The following NFIA variants were observed in gnomAD, a reference collection of about 807,000 sequenced individuals.
The protein encoded by NFIA is nuclear factor I A, also known as nuclear factor 1 A-type.
NFIA carries 8 observed loss-of-function variants against 62.8 expected under a neutral mutation model. The observed-to-expected ratio is 0.13, with a 90% CI of 0.07 to 0.23. NFIA has a LOEUF of 0.23. Ranked by LOEUF, NFIA falls within the 10% of genes least tolerant of loss-of-function variation. The pLI, the probability that NFIA is intolerant of heterozygous loss-of-function variation, is 1.00. For missense variants in NFIA, 410 were observed against 642.1 expected (o/e 0.64, Z 3.91); for synonymous variants, 235 against 238.1 (o/e 0.99, Z 0.12).
chr1:61,292,366 A>C (rs1261976464), intron 3 of NFIA, among the ~76,000 whole-genome samples: 1 of 152,130 alleles, frequency 6.6e-6, no homozygotes, highest in Non-Finnish European at 1.5e-5. Context: ...TGTGTTCAGG[A>C]GTTTAAGTCT....
At chr1:61,204,489 T>G (rs78612133) in intron 2 of NFIA, among the ~76,000 whole-genome samples, 3,002 of 152,320 alleles carry the variant, frequency 0.02, 39 homozygotes, top group Non-Finnish European at 0.03. Flanking sequence ...TTTTTTATTT[T>G]TTATTTTATT....
chr1:61,292,538 C>T (rs1437280522), intron 3 of NFIA, among the ~76,000 whole-genome samples: 1 of 152,056 alleles, frequency 6.6e-6, no homozygotes, highest in Non-Finnish European at 1.5e-5. Context: ...CATATTCTAG[C>T]AAAGGATACA....
intron 2 of NFIA, among the ~76,000 whole-genome samples, chr1:61,264,740 C>A (rs1042439956): frequency 6.7e-6 from 1 of 148,934 alleles, no homozygotes; most frequent in Non-Finnish European, 1.5e-5. Context: ...AGTCCTTATA[C>A]GAAGACAATT....
chr1:61,098,001 T>C (rs149303563), intron 2 of NFIA, among the ~76,000 whole-genome samples: 3 of 152,294 alleles, frequency 2.0e-5, no homozygotes, highest in African/African-American at 7.2e-5. Flanking sequence ...ATCAAGCCCT[T>C]CTTCGTGGCA....
chr1:61,249,450 T>C (rs368539817), intron 2 of NFIA, among the ~76,000 whole-genome samples: 2 of 152,278 alleles, frequency 1.3e-5, no homozygotes, highest in African/African-American at 4.8e-5. Context: ...TGCTATTAGA[T>C]GGGGGAGGTG....
At chr1:61,204,656 C>A (rs1294721278) in intron 2 of NFIA, among the ~76,000 whole-genome samples, 1 of 151,896 alleles carries the variant, frequency 6.6e-6, no homozygotes, top group Non-Finnish European at 1.5e-5. Flanking sequence ...TGCCTTAGTC[C>A]ACCTTCTGCC....
At chr1:61,294,293 T>C (rs1170609254) in intron 3 of NFIA, among the ~76,000 whole-genome samples, 2 of 152,170 alleles carry the variant, frequency 1.3e-5, no homozygotes, top group Admixed American at 1.3e-4. Context: ...CAGATACTGC[T>C]CCAGGCATTA....
intron 2 of NFIA, among the ~76,000 whole-genome samples, chr1:61,108,348 G>A (rs1242840139): frequency 6.6e-6 from 1 of 151,524 alleles, no homozygotes; most frequent in Non-Finnish European, 1.5e-5. Flanking sequence ...GAACACTTTT[G>A]TGAAGCTGCT....
chr1:61,428,102 A>G (rs114413446), intron 10 of NFIA, among the ~76,000 whole-genome samples: 98 of 152,286 alleles, frequency 6.4e-4, no homozygotes, highest in Non-Finnish European at 1.1e-3. Flanking sequence ...GAGCCTTTAA[A>G]ATGCAGCTTT....
At chr1:61,185,252 A>G (rs2100567285) in intron 2 of NFIA, among the ~76,000 whole-genome samples, 1 of 152,338 alleles carries the variant, frequency 6.6e-6, no homozygotes, top group South Asian at 2.1e-4. Flanking sequence ...TGAAGACGTT[A>G]AAGAAGATAG....
At position 61,426,479 on chromosome 1, in the gene NFIA, A is replaced by G; in HGVS notation, c.1435A>G (p.Ser479Gly). 1 of 1,551,820 alleles carries G rather than the reference A, an allele frequency of 6.4e-7. No individual in the cohort carries two copies. ...TCCCTTCACAGCCTACTCGACACCC[A>G]GCACCTCCCCCGCAAACCGATTCGT... Reference protein sequence around the residue: ...SPTSPTYSTPSTSPANRFVSV... With the variant: ...SPTSPTYSTPGTSPANRFVSV... Residue 479 changes from serine to glycine, a missense_variant, in exon 10 of 11, where the codon AGC becomes GGC. Ser to Gly is a moderately conservative substitution (Grantham distance 56, BLOSUM62 0). This residue lies in a region of NFIA where 298 missense variants were observed against 438.1 expected (regional missense o/e 0.68). Transcript: ENST00000403491.
chr1:61,414,058 C>A (rs1244497101), intron 9 of NFIA, among the ~76,000 whole-genome samples: 1 of 152,122 alleles, frequency 6.6e-6, no homozygotes, highest in Non-Finnish European at 1.5e-5. Context: ...TCTCAGCTCA[C>A]TGCAATCTCC....
chr1:61,400,584 TTAAAGGATC>T (rs1308591229), intron 7 of NFIA, among the ~76,000 whole-genome samples: 3 of 152,208 alleles, frequency 2.0e-5, no homozygotes, highest in Non-Finnish European at 4.4e-5. Flanking sequence ...AATGCACATT[TTAAAGGATC>T]TAAATATGCA....
chr1:61,427,085 G>A (rs1449347885), intron 10 of NFIA, among the ~76,000 whole-genome samples: 1 of 152,134 alleles, frequency 6.6e-6, no homozygotes, highest in African/African-American at 2.4e-5. Flanking sequence ...GGTTACTGCT[G>A]ACCACTGGGG....
chr1:61,195,351 A>T (rs1249427704), intron 2 of NFIA, among the ~76,000 whole-genome samples: 2 of 152,184 alleles, frequency 1.3e-5, no homozygotes, highest in African/African-American at 4.8e-5. Context: ...AGGCACATGC[A>T]GCTTGTAAGT....
chr1:61,107,938 T>TA (rs2100447768), intron 2 of NFIA, among the ~76,000 whole-genome samples: 1 of 151,810 alleles, frequency 6.6e-6, no homozygotes, highest in Non-Finnish European at 1.5e-5. Context: ...TGTAAAATGA[T>TA]ACCTCTGTCA....
intron 2 of NFIA, among the ~76,000 whole-genome samples, chr1:61,220,562 A>T (rs1232578135): frequency 6.6e-6 from 1 of 152,258 alleles, no homozygotes; most frequent in East Asian, 1.9e-4. Flanking sequence ...AATTCAAAGA[A>T]GAATTGTAAA....
chr1:61,249,097 T>C (rs138246483), intron 2 of NFIA: 9 of 152,354 alleles, frequency 5.9e-5, no homozygotes, highest in African/African-American at 2.2e-4. Context: ...ATCCAACTTT[T>C]ATGACATACA....
chr1:61,453,523 G>T (rs1433286009), intron 10 of NFIA, among the ~76,000 whole-genome samples: 1 of 145,496 alleles, frequency 6.9e-6, no homozygotes, highest in East Asian at 2.1e-4. Flanking sequence ...GTGCCCTGAG[G>T]TCTCGTCCAG....
Sources: allele counts gnomAD v4.1 joint callset (sites outside exome capture counted in the v4.1 genomes callset), GRCh38; gene constraint gnomAD v4.1.1; regional missense constraint gnomAD v4.1.1; transcripts MANE v1.5; gene names NCBI Gene and HGNC (gene_info 2026-07-23, HGNC 2026-07-21).